The following CATSPERE variants were observed in gnomAD, a reference collection of about 807,000 sequenced individuals.
CATSPERE encodes cation channel sperm-associated auxiliary subunit epsilon.
In CATSPERE, 93 loss-of-function variants were observed where a neutral mutation model predicts 114.1. The ratio of observed to expected loss-of-function variants is 0.81; its 90% CI spans 0.69 to 0.97. The LOEUF is 0.97. Ranked by LOEUF, CATSPERE falls within the 50% of genes least tolerant of loss-of-function variation. The probability of loss-of-function intolerance (pLI) is 0.00; values close to 1 mark genes in which losing one functional copy is unlikely to be tolerated. For missense variants in CATSPERE, 1,058 were observed against 1,131.6 expected, an observed-to-expected ratio of 0.93 and a Z score of 0.93; for synonymous variants, 341 against 384.1, an observed-to-expected ratio of 0.89 and a Z score of 1.31.
At chr1:244,556,569 A>G (rs1181516509) in intron 9 of CATSPERE, among the ~76,000 whole-genome samples, 1 of 152,196 alleles carries the variant, frequency 6.6e-6, no homozygotes, top group Admixed American at 6.5e-5. Context: ...ACACTGGAAG[A>G]AGTTATAACA....
intron 2 of CATSPERE, among the ~76,000 whole-genome samples, chr1:244,465,754 C>T (rs747122008): frequency 6.6e-6 from 1 of 152,120 alleles, no homozygotes; most frequent in African/African-American, 2.4e-5. Context: ...TTTTCACAAG[C>T]AAAAATCTGC....
chr1:244,466,433 C>T (rs1667614919), intron 2 of CATSPERE, among the ~76,000 whole-genome samples: 1 of 152,122 alleles, frequency 6.6e-6, no homozygotes, highest in Admixed American at 6.5e-5. Flanking sequence ...CTGAGATACT[C>T]TTCCATATTT....
At chr1:244,538,165 T>C (rs933637510) in intron 8 of CATSPERE, among the ~76,000 whole-genome samples, 1 of 152,118 alleles carries the variant, frequency 6.6e-6, no homozygotes, top group African/African-American at 2.4e-5. Context: ...CTCTTATTTT[T>C]AAAAAATCTT....
At chr1:244,491,367 G>C (rs1288856574) in intron 6 of CATSPERE, among the ~76,000 whole-genome samples, 2 of 151,900 alleles carry the variant, frequency 1.3e-5, no homozygotes, top group Non-Finnish European at 2.9e-5. Context: ...CGAAATGAAG[G>C]CAGAAATAAA....
chr1:244,481,307 C>G (rs1001421703), intron 5 of CATSPERE, among the ~76,000 whole-genome samples: 2 of 151,972 alleles, frequency 1.3e-5, no homozygotes, highest in Non-Finnish European at 2.9e-5. Context: ...AAGAATTAGC[C>G]AGATGTGGTG....
chr1:244,617,469 A>T, intron 19 of CATSPERE, 60 bp from the exon 20 acceptor site: 1 of 1,285,470 alleles, frequency 7.8e-7, no homozygotes, highest in Non-Finnish European at 1.0e-6. Context: ...ATGAGACTAT[A>T]ATTTTGCGTA....
At chr1:244,488,804 C>G (rs1194400927) in intron 5 of CATSPERE, among the ~76,000 whole-genome samples, 1 of 152,116 alleles carries the variant, frequency 6.6e-6, no homozygotes, top group East Asian at 1.9e-4. Context: ...GTGTTGAACT[C>G]TGGGCATAGT....
At chr1:244,519,754 A>T (rs1305621258) in intron 8 of CATSPERE, among the ~76,000 whole-genome samples, 2 of 152,236 alleles carry the variant, frequency 1.3e-5, no homozygotes, top group East Asian at 3.8e-4. Flanking sequence ...GGATGAATAC[A>T]AACTATTGTA....
At chr1:244,469,160 G>A (rs913033612) in intron 2 of CATSPERE, among the ~76,000 whole-genome samples, 2 of 152,056 alleles carry the variant, frequency 1.3e-5, no homozygotes, top group African/African-American at 4.8e-5. Context: ...TGTAAGCTTG[G>A]TAATTTCCAC....
At chr1:244,631,693 T>A (rs187911571) in intron 20 of CATSPERE, among the ~76,000 whole-genome samples, 8 of 152,138 alleles carry the variant, frequency 5.3e-5, no homozygotes, top group Admixed American at 1.3e-4. Context: ...AAAAAGCATA[T>A]GAAAAAATGT....
intron 20 of CATSPERE, among the ~76,000 whole-genome samples, chr1:244,629,503 C>CTTTTTTTTTT (rs369560104): frequency 6.1e-5 from 5 of 82,298 alleles, no homozygotes; most frequent in Non-Finnish European, 9.0e-5. Context: ...TCTCTCTTAC[C>CTTTTTTTTTT]TTTTTTTTTT....
Position 244,546,594 on chromosome 1 carries a change from C to T in CATSPERE, c.537-5728C>T, listed in dbSNP as rs376916225. On this transcript the variant is annotated intron_variant, in intron 8 of 21. Transcript: ENST00000366534. ...AAGAAAATACAGAGAAACAGTTCAA[C>T]AAAATGAGAAAACAATACATGATCA... Among the ~76,000 whole-genome samples the T allele has an allele frequency of 8.7e-4, 132 of 152,020 alleles. No individual in the cohort carries two copies. In the South Asian group the frequency reaches 0.012, roughly 14 times the overall value.
chr1:244,451,614 T>G (rs770510850), upstream of CATSPERE: 47 of 1,596,678 alleles, frequency 2.9e-5, no homozygotes, highest in Non-Finnish European at 3.7e-5. This position sits in a 1 kb window ranked among gnomAD's most constrained non-coding sequence, Gnocchi z 6.6. Flanking sequence ...CGGCTTCCCA[T>G]GAGAGGCCCC....
chr1:244,638,405 C>T (rs1674909261), intron 21 of CATSPERE, among the ~76,000 whole-genome samples: 1 of 152,212 alleles, frequency 6.6e-6, no homozygotes, highest in African/African-American at 2.4e-5. Flanking sequence ...CCTCTCTCTC[C>T]CTAGTAAAGA....
intron 8 of CATSPERE, among the ~76,000 whole-genome samples, chr1:244,541,704 A>G (rs1658772860): frequency 1.4e-5 from 2 of 147,460 alleles, no homozygotes; most frequent in African/African-American, 5.1e-5. Flanking sequence ...AGACACGTGC[A>G]CACGTATGTT....
At chr1:244,630,273 G>A (rs1673757567) in intron 20 of CATSPERE, among the ~76,000 whole-genome samples, 1 of 152,150 alleles carries the variant, frequency 6.6e-6, no homozygotes, top group South Asian at 2.1e-4. Context: ...AGAGTGTTGA[G>A]GGATGGTGGT....
chr1:244,616,333 T>C (rs977142288), intron 19 of CATSPERE, among the ~76,000 whole-genome samples: 1 of 152,162 alleles, frequency 6.6e-6, no homozygotes, highest in Non-Finnish European at 1.5e-5. Flanking sequence ...ATTGCAAAGC[T>C]CTATTGACTG....
intron 13 of CATSPERE, among the ~76,000 whole-genome samples, 177 bp from the exon 14 acceptor site, chr1:244,588,305 G>GA (rs1249460168): frequency 4.1e-4 from 59 of 142,468 alleles, no homozygotes; most frequent in Middle Eastern, 3.7e-3. Flanking sequence ...AGGAAGGAAA[G>GA]AAAAAAAAAA....
intron 5 of CATSPERE, among the ~76,000 whole-genome samples, chr1:244,486,564 GGT>G (rs1238807847): frequency 4.8e-5 from 6 of 124,892 alleles, no homozygotes; most frequent in African/African-American, 1.5e-4. Flanking sequence ...TCGTGGGCCA[GGT>G]GTAGACCCTC....
Sources: allele counts gnomAD v4.1 joint callset (sites outside exome capture counted in the v4.1 genomes callset), GRCh38; gene constraint gnomAD v4.1.1; non-coding constraint Gnocchi (gnomAD v3.1); transcripts MANE v1.5; gene names NCBI Gene and HGNC (gene_info 2026-07-23, HGNC 2026-07-21).